Variants in CDH13 observed in about 807,000 individuals in gnomAD.
CDH13 encodes cadherin-13.
Under a neutral mutation model 63.8 loss-of-function variants are expected in CDH13, and 24 were observed. That is an observed-to-expected ratio of 0.38 (90% CI 0.27 to 0.53). The LOEUF is 0.53. Among genes scored for constraint, CDH13 ranks in the 20% least tolerant of loss-of-function variants. CDH13 has a pLI of 0.85. For synonymous variants in CDH13, 503 were observed against 355.3 expected (o/e 1.42, Z -4.67); for missense variants, 1,049 against 903.1 (o/e 1.16, Z -2.07).
At chr16:82,715,254 A>G (rs2032279240) in intron 1 of CDH13, among the ~76,000 whole-genome samples, 1 of 151,968 alleles carries the variant, frequency 6.6e-6, no homozygotes, top group Admixed American at 6.6e-5. Flanking sequence ...AAGCCAGTCT[A>G]ATTCTATGAC....
intron 10 of CDH13, among the ~76,000 whole-genome samples, chr16:83,727,172 T>TA (rs1910510333): frequency 6.6e-6 from 1 of 152,036 alleles, no homozygotes; most frequent in Non-Finnish European, 1.5e-5. Flanking sequence ...CCTTAACCGT[T>TA]AACGTGCTTC....
chr16:83,032,306 T>A, intron 3 of CDH13, 88 bp downstream of exon 3: 1 of 962,384 alleles, frequency 1.0e-6, no homozygotes. Context: ...TAATTTATTA[T>A]GTTGGCTAAG....
At chr16:82,771,153 G>T (rs762236407) in intron 1 of CDH13, among the ~76,000 whole-genome samples, 2 of 152,108 alleles carry the variant, frequency 1.3e-5, no homozygotes, top group Non-Finnish European at 2.9e-5. Context: ...TTTTAACAAT[G>T]CATAACTTGT....
intron 7 of CDH13, among the ~76,000 whole-genome samples, chr16:83,566,568 C>T (rs920959049): frequency 6.6e-6 from 1 of 152,118 alleles, no homozygotes; most frequent in Non-Finnish European, 1.5e-5. Flanking sequence ...CCGTTTTGTG[C>T]TTCCTGTTCC....
intron 5 of CDH13, among the ~76,000 whole-genome samples, chr16:83,229,358 A>G (rs1403087515): frequency 3.3e-5 from 5 of 152,168 alleles, no homozygotes; most frequent in African/African-American, 1.2e-4. Flanking sequence ...CACATAGCAA[A>G]CCAGAAAACC....
At chr16:83,474,413 C>G (rs984972701) in intron 6 of CDH13, among the ~76,000 whole-genome samples, 3 of 152,184 alleles carry the variant, frequency 2.0e-5, no homozygotes, top group African/African-American at 7.2e-5. Flanking sequence ...ATTCCACTCT[C>G]AAGGCCCCAC....
At chr16:83,040,143 A>G (rs898586959) in intron 3 of CDH13, among the ~76,000 whole-genome samples, 5 of 151,828 alleles carry the variant, frequency 3.3e-5, no homozygotes, top group Non-Finnish European at 2.9e-5. Flanking sequence ...CCAGTGCTGC[A>G]TTTACTACCT....
chr16:83,159,570 A>G (rs117119776), intron 4 of CDH13, among the ~76,000 whole-genome samples: 5,683 of 152,290 alleles, frequency 0.037, 150 homozygotes, highest in Non-Finnish European at 0.054. Context: ...TGAAATTTTG[A>G]GCACATGTTA....
At chr16:82,636,375 T>A (rs1461120122) in intron 1 of CDH13, among the ~76,000 whole-genome samples, 3 of 152,172 alleles carry the variant, frequency 2.0e-5, no homozygotes, top group Non-Finnish European at 2.9e-5. Context: ...ATCCAGTCCA[T>A]GCCTGCATCT....
chr16:83,057,928 C>G (rs760659610), intron 3 of CDH13, among the ~76,000 whole-genome samples: 9 of 152,004 alleles, frequency 5.9e-5, no homozygotes, highest in Non-Finnish European at 1.2e-4. Context: ...ATTTTGAAGG[C>G]ATTAAAATGG....
intron 6 of CDH13, among the ~76,000 whole-genome samples, chr16:83,407,483 C>T (rs1205839558): frequency 1.3e-5 from 2 of 152,162 alleles, no homozygotes; most frequent in African/African-American, 2.4e-5. Context: ...TGCTTTTTTT[C>T]AGCTAGACTA....
chr16:83,122,745 C>T (rs898306179), intron 3 of CDH13, among the ~76,000 whole-genome samples: 1 of 151,984 alleles, frequency 6.6e-6, no homozygotes, highest in Non-Finnish European at 1.5e-5. Context: ...AAATGCCTAT[C>T]TATTACCCTA....
intron 5 of CDH13, among the ~76,000 whole-genome samples, chr16:83,317,535 C>T (rs1315881892): frequency 6.6e-6 from 1 of 152,126 alleles, no homozygotes; most frequent in Non-Finnish European, 1.5e-5. Flanking sequence ...CAGTCAAGTG[C>T]TGCAAGTAAG....
At chr16:82,704,162 G>T (rs1455298805) in intron 1 of CDH13, among the ~76,000 whole-genome samples, 3 of 152,112 alleles carry the variant, frequency 2.0e-5, no homozygotes, top group Non-Finnish European at 4.4e-5. Flanking sequence ...AGAGGTGGGG[G>T]TGGGCATGGG....
At chr16:83,701,303 G>C (rs1906188143) in intron 10 of CDH13, among the ~76,000 whole-genome samples, 1 of 152,186 alleles carries the variant, frequency 6.6e-6, no homozygotes, top group Non-Finnish European at 1.5e-5. Context: ...CCATCGGGTG[G>C]CTGCATAAAG....
At chr16:83,335,041 T>A (rs2090564352) in intron 5 of CDH13, among the ~76,000 whole-genome samples, 1 of 152,186 alleles carries the variant, frequency 6.6e-6, no homozygotes, top group Non-Finnish European at 1.5e-5. Flanking sequence ...ACAACAAACA[T>A]TGTATCCATG....
chr16:82,851,538 C>T (rs2039486470), intron 1 of CDH13, among the ~76,000 whole-genome samples: 1 of 151,978 alleles, frequency 6.6e-6, no homozygotes, highest in African/African-American at 2.4e-5. Flanking sequence ...ACTGTAAAAC[C>T]ATTTGTAAGT....
At chr16:83,095,518 T>G (rs56342648) in intron 3 of CDH13, among the ~76,000 whole-genome samples, 7,560 of 152,276 alleles carry the variant, frequency 0.05, 276 homozygotes, top group Non-Finnish European at 0.072. Flanking sequence ...TTAATAACTA[T>G]GTTATAATGC....
At position 83,015,693 on chromosome 16, in the gene CDH13, A is replaced by G. The variant is rs868544161; in HGVS notation, c.158-16317A>G. On this transcript the variant is annotated intron_variant, in intron 2 of 13. Coordinates refer to ENST00000567109, the MANE Select transcript of CDH13 (RefSeq NM_001257.5). ...TGTGTGTATGTATATATATATATAT[A>G]TATATATATATATATATATATATAT... 7.2e-4 allele frequency among the ~76,000 whole-genome samples: 73 copies of G among 101,322 alleles called. 1 individual carries two copies. The highest frequency in any genetic ancestry group is 1.1e-3 in the Admixed American group (11 of 10,090). 66.5% of individuals were successfully genotyped at this position (101,322 alleles called of 152,430 possible). A position where few individuals can be genotyped will look rare whatever the true frequency, so the allele number is the denominator to read the frequency against.
Sources: gnomAD v4.1 joint callset for allele counts (sites outside exome capture counted in the v4.1 genomes callset) on GRCh38, gnomAD v4.1.1 for gene constraint, MANE v1.5 for transcripts, NCBI Gene and HGNC (gene_info 2026-07-23, HGNC 2026-07-21) for gene names.